Variants in ANKS1A observed in about 807,000 individuals in gnomAD.
ANKS1A encodes ankyrin repeat and SAM domain-containing protein 1A.
In ANKS1A, 55 loss-of-function variants were observed where a neutral mutation model predicts 120.3. The ratio of observed to expected loss-of-function variants is 0.46; its 90% CI spans 0.37 to 0.57. The LOEUF (loss-of-function observed/expected upper bound fraction) is 0.57, where lower values mean the gene tolerates loss of function less well. Among genes scored for constraint, ANKS1A ranks in the 20% least tolerant of loss-of-function variants. The pLI is 0.00. For synonymous variants in ANKS1A, 590 were observed against 604.7 expected (o/e 0.98, Z 0.36); for missense variants, 1,123 against 1,480.3 (o/e 0.76, Z 3.96).
intron 13 of ANKS1A, among the ~76,000 whole-genome samples, chr6:35,071,559 T>A (rs820070): frequency 1 from 152,159 of 152,160 alleles, 76,079 homozygotes; most frequent in Non-Finnish European, 1. Context: ...GGCCTGAACC[T>A]GTTTTTCAGG....
intron 13 of ANKS1A, among the ~76,000 whole-genome samples, chr6:35,064,060 C>T (rs567123824): frequency 2.6e-5 from 4 of 152,232 alleles, no homozygotes; most frequent in African/African-American, 9.6e-5. Flanking sequence ...ACGGGCAGGG[C>T]CCTGACCAGG....
chr6:35,079,422 C>A, intron 14 of ANKS1A, 94 bp from the exon 15 acceptor site: 4 of 1,520,000 alleles, frequency 2.6e-6, no homozygotes, highest in Non-Finnish European at 2.7e-6. Context: ...GGCCCCCTGG[C>A]CACAGTCTGT....
chr6:34,928,846 C>G (rs989600393), intron 1 of ANKS1A, among the ~76,000 whole-genome samples: 2 of 152,158 alleles, frequency 1.3e-5, no homozygotes, highest in African/African-American at 4.8e-5. Context: ...CTTTTGAGTT[C>G]TAATGAAGAA....
chr6:35,092,334 A>G (rs899894524), downstream of ANKS1A, among the ~76,000 whole-genome samples: 3 of 152,220 alleles, frequency 2.0e-5, no homozygotes, highest in East Asian at 1.9e-4. Context: ...TATCTAGTTC[A>G]GTACCCATAT....
chr6:34,910,658 C>T (rs1394812261), intron 1 of ANKS1A, among the ~76,000 whole-genome samples: 9 of 151,900 alleles, frequency 5.9e-5, no homozygotes, highest in South Asian at 2.1e-4. Context: ...GTCAGGAGTT[C>T]GAGACCAGCC....
At chr6:34,961,008 G>C (rs1042982155) in intron 1 of ANKS1A, among the ~76,000 whole-genome samples, 9 of 152,228 alleles carry the variant, frequency 5.9e-5, no homozygotes, top group Admixed American at 3.3e-4. Flanking sequence ...CATCACGCAG[G>C]CTTGCTGTGA....
chr6:35,008,451 A>G (rs1053227483), intron 10 of ANKS1A, among the ~76,000 whole-genome samples: 3 of 152,156 alleles, frequency 2.0e-5, no homozygotes, highest in Admixed American at 2.0e-4. Flanking sequence ...GCCTCAAGCA[A>G]TCCCACCTCA....
Position 35,079,884 on chromosome 6 carries a change from T to C in ANKS1A, c.2500T>C (p.Tyr834His). ...CATCGCCTCCCTCGCAGACAGACCGTACGAGGAGCCGCCCCAGAAGCCCCC... is the reference window on the plus strand; with the variant it reads ...CATCGCCTCCCTCGCAGACAGACCGCACGAGGAGCCGCCCCAGAAGCCCCC... ...RIIASLADRPYEEPPQKPPRF... is the reference protein window; with the variant it reads ...RIIASLADRPHEEPPQKPPRF... The change falls in exon 16 of 24, where the codon TAC becomes CAC. Residue 834 changes from tyrosine to histidine, a missense_variant. Coordinates refer to ENST00000360359, the MANE Select transcript of ANKS1A (RefSeq NM_015245.3). 2 of 1,563,212 alleles carry C rather than the reference T, an allele frequency of 1.3e-6. No homozygotes were observed. Among genetic ancestry groups the C allele is most frequent in the South Asian group, 1.2e-5 (1 of 84,996 alleles).
intron 1 of ANKS1A, among the ~76,000 whole-genome samples, chr6:34,930,354 G>T (rs527374410): frequency 6.6e-6 from 1 of 152,340 alleles, no homozygotes; most frequent in Admixed American, 6.5e-5. Flanking sequence ...GAATGAGGAA[G>T]GGAAGCTTCA....
chr6:34,931,554 T>A (rs952834457), intron 1 of ANKS1A, among the ~76,000 whole-genome samples: 1 of 152,190 alleles, frequency 6.6e-6, no homozygotes. Flanking sequence ...CCCTTCTGCT[T>A]TTTTTACTCT....
chr6:35,090,261 C>T lies in ANKS1A; in HGVS notation c.*1652C>T, dbSNP rs762828853. Reference sequence around the variant, plus strand: ...AGGATGCCCATGAGCTACCGCTGTACAGTTCTCGGCCCCGGCTTTCTTCCA... The same window carrying T: ...AGGATGCCCATGAGCTACCGCTGTATAGTTCTCGGCCCCGGCTTTCTTCCA... On this transcript the variant is annotated 3_prime_UTR_variant, in exon 24 of 24. Transcript: ENST00000360359. 2.1e-5 allele frequency: 27 copies of T among 1,289,742 alleles called. No individual in the cohort carries two copies. The highest frequency in any genetic ancestry group is 2.7e-5 in the Non-Finnish European group (27 of 988,882). 79.9% of individuals were successfully genotyped at this position (1,289,742 alleles called of 1,614,324 possible).
At chr6:35,073,461 G>C (rs1214558573) in intron 13 of ANKS1A, among the ~76,000 whole-genome samples, 1 of 152,184 alleles carries the variant, frequency 6.6e-6, no homozygotes, top group Non-Finnish European at 1.5e-5. Context: ...AGTCAGGACA[G>C]GGGGAGGCCC....
intron 10 of ANKS1A, among the ~76,000 whole-genome samples, chr6:35,004,685 A>AG (rs1344495127): frequency 5.2e-5 from 4 of 77,618 alleles, no homozygotes; most frequent in East Asian, 2.4e-4. Context: ...TGGGAGGCCA[A>AG]GGAAGGCTTA....
chr6:35,059,477 G>A (rs1052767878), intron 12 of ANKS1A, among the ~76,000 whole-genome samples: 3 of 152,220 alleles, frequency 2.0e-5, no homozygotes, highest in Non-Finnish European at 4.4e-5. Flanking sequence ...ACAAGTAAAA[G>A]TCTCTTTTCT....
intron 1 of ANKS1A, among the ~76,000 whole-genome samples, chr6:34,910,808 C>T (rs1767872079): frequency 6.7e-6 from 1 of 149,096 alleles, no homozygotes; most frequent in South Asian, 2.1e-4. Flanking sequence ...TTGCAGTGAG[C>T]CGAGATTGCA....
chr6:35,062,758 G>A (rs936395766), intron 13 of ANKS1A, among the ~76,000 whole-genome samples: 6 of 152,192 alleles, frequency 3.9e-5, no homozygotes, highest in Non-Finnish European at 8.8e-5. Context: ...CTCTCTGCCC[G>A]AATCCCTTCC....
chr6:35,014,590 A>G (rs1773912944), intron 10 of ANKS1A, among the ~76,000 whole-genome samples: 1 of 152,136 alleles, frequency 6.6e-6, no homozygotes, highest in Non-Finnish European at 1.5e-5. Flanking sequence ...CAGTTAGAAC[A>G]TTCTCTGTGG....
intron 10 of ANKS1A, among the ~76,000 whole-genome samples, chr6:34,995,195 A>G (rs1027997790): frequency 1.3e-5 from 2 of 152,206 alleles, no homozygotes; most frequent in Non-Finnish European, 2.9e-5. Context: ...GGTTCAGGTA[A>G]GAACAGAGGA....
rs575627220 is a variant in ANKS1A, at chr6:35,081,836, C to T, written c.2709+678C>T. ...TGCCTGTCCTGCCTCCCTCCTTGTACGGACCTTGGCTTTGTCCTTTGTCCT... is the reference window on the plus strand; with the variant it reads ...TGCCTGTCCTGCCTCCCTCCTTGTATGGACCTTGGCTTTGTCCTTTGTCCT... On this transcript the variant is annotated intron_variant, in intron 17 of 23. Transcript: ENST00000360359. Among the ~76,000 whole-genome samples, 36 of 152,284 alleles carry T rather than the reference C, an allele frequency of 2.4e-4. No homozygotes were observed. The South Asian group carries it at 5.2e-3, about 22-fold the overall frequency.
Sources: gnomAD v4.1 joint callset for allele counts (sites outside exome capture counted in the v4.1 genomes callset) on GRCh38, gnomAD v4.1.1 for gene constraint, MANE v1.5 for transcripts, NCBI Gene and HGNC (gene_info 2026-07-23, HGNC 2026-07-21) for gene names.